The following PLCB4 variants were observed in gnomAD, a reference collection of about 807,000 sequenced individuals.
PLCB4 encodes the protein phospholipase C beta 4, also known as 1-phosphatidylinositol 4,5-bisphosphate phosphodiesterase beta-4.
Under a neutral mutation model 178.8 loss-of-function variants are expected in PLCB4, and 77 were observed. The observed-to-expected ratio is 0.43, with a 90% CI of 0.36 to 0.52. The LOEUF (loss-of-function observed/expected upper bound fraction) is 0.52. Ranked by LOEUF, PLCB4 falls within the 20% of genes least tolerant of loss-of-function variation. PLCB4 has a pLI of 0.00. For missense variants in PLCB4, 1,024 were observed against 1,453.4 expected (o/e 0.70, Z 4.80); for synonymous variants, 496 against 490.8 (o/e 1.01, Z -0.14).
intron 3 of PLCB4, among the ~76,000 whole-genome samples, chr20:9,220,680 G>A (rs1014324268): frequency 1.3e-5 from 2 of 152,142 alleles, no homozygotes; most frequent in South Asian, 4.1e-4. Flanking sequence ...TAACATTAGT[G>A]TTAGGCATGC....
chr20:9,100,935 G>A (rs2091123346), intron 2 of PLCB4, among the ~76,000 whole-genome samples: 1 of 152,118 alleles, frequency 6.6e-6, no homozygotes. Flanking sequence ...TGTGTCGCCC[G>A]TGGAGGGATT....
intron 1 of PLCB4, among the ~76,000 whole-genome samples, chr20:9,078,306 G>A (rs1391400210): frequency 6.6e-6 from 1 of 151,886 alleles, no homozygotes; most frequent in Non-Finnish European, 1.5e-5. Flanking sequence ...GAAATGATAT[G>A]TTGATAAAGG....
intron 1 of PLCB4, among the ~76,000 whole-genome samples, chr20:9,083,510 CA>C (rs1316501157): frequency 6.6e-6 from 1 of 151,970 alleles, no homozygotes; most frequent in Non-Finnish European, 1.5e-5. Flanking sequence ...TTGAAACTTC[CA>C]GGATTCTTTA....
chr20:9,442,114 C>T (rs2042144384), intron 30 of PLCB4, among the ~76,000 whole-genome samples: 1 of 152,200 alleles, frequency 6.6e-6, no homozygotes, highest in Admixed American at 6.5e-5. Context: ...TGTAGACCTG[C>T]ACAGTCCTAT....
chr20:9,085,898 T>A (rs1270905094), intron 1 of PLCB4, among the ~76,000 whole-genome samples: 2 of 152,216 alleles, frequency 1.3e-5, no homozygotes, highest in South Asian at 2.1e-4. Context: ...TTCTGAAGAG[T>A]CCTTCACCAA....
chr20:9,279,700 C>A lies in PLCB4; in HGVS notation c.-15-28100C>A, dbSNP rs987644470. On this transcript the variant is annotated intron_variant, in intron 3 of 39. Transcript: ENST00000378473. Reference sequence around the variant, plus strand: ...AAGTAAGATATTTTAAAAATTAGACCGTACATAAAAGTTGAAAAAGGAAAA... The same window carrying A: ...AAGTAAGATATTTTAAAAATTAGACAGTACATAAAAGTTGAAAAAGGAAAA... Among the ~76,000 whole-genome samples, 3 of 151,742 alleles carry A rather than the reference C, an allele frequency of 2.0e-5. No homozygotes were observed. The South Asian group carries it at 6.2e-4, about 32-fold the overall frequency.
chr20:9,137,398 A>G (rs1362979092), intron 2 of PLCB4, among the ~76,000 whole-genome samples: 1 of 152,128 alleles, frequency 6.6e-6, no homozygotes, highest in African/African-American at 2.4e-5. Context: ...AGCATGTAGG[A>G]TCCATTAACA....
chr20:9,351,360 T>C (rs2034324732), intron 7 of PLCB4, among the ~76,000 whole-genome samples: 1 of 152,168 alleles, frequency 6.6e-6, no homozygotes, highest in Non-Finnish European at 1.5e-5. Context: ...TAAACTTTTT[T>C]TTTAATTTTT....
chr20:9,165,342 C>G (rs1023246369), intron 2 of PLCB4, among the ~76,000 whole-genome samples: 1 of 152,142 alleles, frequency 6.6e-6, no homozygotes. Context: ...ACTGATCACA[C>G]TGTAATTTTT....
intron 3 of PLCB4, among the ~76,000 whole-genome samples, chr20:9,262,227 A>G (rs2147554987): frequency 6.6e-6 from 1 of 152,338 alleles, no homozygotes; most frequent in African/African-American, 2.4e-5. Flanking sequence ...GTGGAAGATC[A>G]GAGACATTCA....
intron 28 of PLCB4, among the ~76,000 whole-genome samples, chr20:9,426,558 G>A (rs1197163563): frequency 1.3e-5 from 2 of 152,014 alleles, no homozygotes; most frequent in East Asian, 3.9e-4. Flanking sequence ...TGTGTTTTTA[G>A]TAGAGACGGG....
intron 30 of PLCB4, 34 bp from the exon 31 acceptor site, chr20:9,443,947 A>G (rs556502852): frequency 2.4e-6 from 3 of 1,236,860 alleles, no homozygotes; most frequent in South Asian, 2.5e-5. Flanking sequence ...GATTTTTAGT[A>G]TACATAGTGA....
At chr20:9,405,291 A>C (rs367947441) in intron 20 of PLCB4, 22 bp from the exon 21 acceptor site, 2 of 1,468,536 alleles carry the variant, frequency 1.4e-6, no homozygotes, top group African/African-American at 2.8e-5. Flanking sequence ...AAGTAAACAA[A>C]TTATTTCCTT....
chr20:9,457,326 ATCT>A (rs2043116757), intron 33 of PLCB4, 85 bp from the exon 34 acceptor site: 4 of 748,962 alleles, frequency 5.3e-6, no homozygotes, highest in Non-Finnish European at 9.8e-6. Context: ...TGAATATATT[ATCT>A]TCATCAGAAA....
chr20:9,113,801 C>T lies in PLCB4; in HGVS notation c.-79+17459C>T, dbSNP rs138292773. ...TTAATGTAGAAATCTAGTCATTTGGCGTCCCTATTAATAGAATGCCAAACA... is the reference window on the plus strand; with the variant it reads ...TTAATGTAGAAATCTAGTCATTTGGTGTCCCTATTAATAGAATGCCAAACA... On this transcript the variant is annotated intron_variant, in intron 2 of 39. Coordinates refer to ENST00000378473, the MANE Select transcript of PLCB4 (RefSeq NM_001377142.1). 4.9e-4 allele frequency among the ~76,000 whole-genome samples: 74 copies of T among 152,238 alleles called. No individual in the cohort carries two copies. The South Asian group carries it at 0.013, about 27-fold the overall frequency.
At chr20:9,141,005 T>C (rs1156234584) in intron 2 of PLCB4, among the ~76,000 whole-genome samples, 1 of 152,138 alleles carries the variant, frequency 6.6e-6, no homozygotes, top group African/African-American at 2.4e-5. Flanking sequence ...CTCATCCCCA[T>C]TGGTGATACC....
rs766174969 is a variant in PLCB4 at position 9,387,507 on chromosome 20, A to G, written c.1109A>G (p.Glu370Gly). The part of the protein sequence containing the change: ...DCWDGKGEDQ[E>G]PIITHGKAMC... ...TGGGATGGAAAAGGTGAAGACCAAG[A>G]ACCAATAATAACTCATGGAAAAGCA... The change falls in exon 15 of 40, where the codon GAA becomes GGA. Residue 370 changes from glutamate to glycine, a missense_variant. Around this residue, in one of 7 missense-constraint regions of PLCB4, gnomAD observed 263 missense variants for 417.4 expected, o/e 0.63. Coordinates refer to ENST00000378473, the MANE Select transcript of PLCB4 (RefSeq NM_001377142.1). 6.2e-7 allele frequency: 1 copy of G among 1,601,438 alleles called. No homozygotes were observed. Among genetic ancestry groups the G allele is most frequent in the Non-Finnish European group, 8.5e-7 (1 of 1,170,380 alleles).
intron 2 of PLCB4, among the ~76,000 whole-genome samples, chr20:9,116,331 C>T (rs994597167): frequency 6.6e-6 from 1 of 151,896 alleles, no homozygotes; most frequent in African/African-American, 2.4e-5. Flanking sequence ...GTATGTGTCC[C>T]TTATATGTAC....
chr20:9,329,376 T>C (rs1029218331), intron 4 of PLCB4, among the ~76,000 whole-genome samples: 4 of 152,176 alleles, frequency 2.6e-5, no homozygotes, highest in African/African-American at 9.6e-5. Context: ...ATATCAATAA[T>C]AAAAATGGTA....
Sources: allele counts gnomAD v4.1 joint callset (sites outside exome capture counted in the v4.1 genomes callset), GRCh38; gene constraint gnomAD v4.1.1; regional missense constraint gnomAD v4.1.1; transcripts MANE v1.5; gene names NCBI Gene and HGNC (gene_info 2026-07-23, HGNC 2026-07-21).